ADAMTS14: variants seen among roughly 807,000 people sequenced by gnomAD.
ADAMTS14 encodes ADAM metallopeptidase with thrombospondin type 1 motif 14.
Under a neutral mutation model 128.6 loss-of-function variants are expected in ADAMTS14, and 100 were observed. That is an observed-to-expected ratio of 0.78 (90% CI 0.66 to 0.92). ADAMTS14 has a LOEUF of 0.92. Among genes scored for constraint, ADAMTS14 ranks in the 40% least tolerant of loss-of-function variants. The pLI is 0.00. For missense variants in ADAMTS14, 1,562 were observed against 1,658.6 expected (o/e 0.94, Z 1.01); for synonymous variants, 665 against 653.8 (o/e 1.02, Z -0.26).
intron 19 of ADAMTS14, among the ~76,000 whole-genome samples, chr10:70,755,876 G>A (rs1842469595): frequency 6.6e-6 from 1 of 152,062 alleles, no homozygotes; most frequent in Non-Finnish European, 1.5e-5. Context: ...AGTTAAGATG[G>A]CAAACTTTAT....
intron 4 of ADAMTS14, among the ~76,000 whole-genome samples, chr10:70,709,760 A>G (rs1276552925): frequency 5.9e-5 from 9 of 152,160 alleles, no homozygotes; most frequent in Admixed American, 5.9e-4. Context: ...TCAGCCTCCC[A>G]AAGTGCTGGG....
rs764478735 is a variant in ADAMTS14 at position 70,729,314 on chromosome 10, T to A, written c.891T>A (p.Asp297Glu). ...TGCAGGTAGATGAGATTTACCACGATGAGTCCCTGGGGGTTCATATAAATA... is the reference window on the plus strand; with the variant it reads ...TGCAGGTAGATGAGATTTACCACGAAGAGTCCCTGGGGGTTCATATAAATA... ...LMNIVDEIYH[D>E]ESLGVHINIA... The change falls in exon 5 of 22, where the codon GAT becomes GAA. Residue 297 changes from aspartate (D) to glutamate (E), a missense_variant. Coordinates refer to ENST00000373207, the MANE Select transcript of ADAMTS14 (RefSeq NM_080722.4). 3.2e-5 allele frequency: 51 copies of A among 1,613,958 alleles called. 1 individual carries two copies. Among genetic ancestry groups the A allele is most frequent in the Non-Finnish European group, 4.2e-5 (49 of 1,179,912 alleles).
At chr10:70,754,672 C>T (rs558975122) in intron 19 of ADAMTS14, among the ~76,000 whole-genome samples, 27 of 152,088 alleles carry the variant, frequency 1.8e-4, no homozygotes, top group Admixed American at 8.5e-4. Flanking sequence ...GGGAGGCAGG[C>T]GGGGGTCCAT....
intron 4 of ADAMTS14, among the ~76,000 whole-genome samples, chr10:70,719,805 C>T (rs1841195513): frequency 6.6e-6 from 1 of 152,238 alleles, no homozygotes; most frequent in African/African-American, 2.4e-5. Context: ...CCTCCACTCT[C>T]CTGCCTCTGC....
chr10:70,673,955 C>A (rs1009468807), intron 1 of ADAMTS14, among the ~76,000 whole-genome samples: 58 of 152,202 alleles, frequency 3.8e-4, no homozygotes, highest in Non-Finnish European at 2.9e-5. Flanking sequence ...TGGGGCTCGG[C>A]CATACAGAGA....
At chr10:70,700,960 T>C (rs901635886) in intron 2 of ADAMTS14, among the ~76,000 whole-genome samples, 1 of 152,140 alleles carries the variant, frequency 6.6e-6, no homozygotes, top group African/African-American at 2.4e-5. Flanking sequence ...CCTGACAAAA[T>C]GGTGACAGGG....
chr10:70,749,741 A>G lies in ADAMTS14; in HGVS notation c.2264-81A>G, dbSNP rs759351644. 42 of 1,500,842 alleles carry G rather than the reference A, an allele frequency of 2.8e-5. 1 individual carries two copies. The highest frequency in any genetic ancestry group is 3.5e-5 in the Non-Finnish European group (39 of 1,108,722). 93.0% of individuals were successfully genotyped at this position (1,500,842 alleles called of 1,614,324 possible). On this transcript the variant is annotated intron_variant, in intron 15 of 21. Transcript: ENST00000373207. ...CAGGAGCCCAGAAGGCTCACTGGGAAGGCCTTGAATTTCATATTCATGGCC... is the reference window on the plus strand; with the variant it reads ...CAGGAGCCCAGAAGGCTCACTGGGAGGGCCTTGAATTTCATATTCATGGCC...
Position 70,751,768 on chromosome 10 carries a change from TGAA to T in ADAMTS14, c.2596+125_2596+127del, listed in dbSNP as rs1197307485. 3.7e-6 allele frequency: 5 copies of T among 1,339,774 alleles called. No individual in the cohort carries two copies. In the African/African-American group the frequency reaches 7.3e-5, roughly 19 times the overall value. The allele number at this position is 1,339,774 out of a possible 1,614,324, so 83.0% of individuals were successfully genotyped here. On this transcript the variant is annotated intron_variant, in intron 17 of 21. Coordinates refer to ENST00000373207, the MANE Select transcript of ADAMTS14 (RefSeq NM_080722.4). ...CCTTGCTTATGACTCAGTTTCTCCT[TGAA>T]GATCTCCAGTGTGTGGAAGCCCGTT... is the stretch of plus-strand genomic sequence containing the variant.
intron 15 of ADAMTS14, among the ~76,000 whole-genome samples, chr10:70,749,572 G>T (rs1158051408): frequency 6.6e-6 from 1 of 151,916 alleles, no homozygotes; most frequent in Non-Finnish European, 1.5e-5. Context: ...GTAAAGGTGG[G>T]AGGAATGGTG....
chr10:70,722,965 A>C (rs1276990476), intron 4 of ADAMTS14, among the ~76,000 whole-genome samples: 3 of 152,246 alleles, frequency 2.0e-5, no homozygotes, highest in Non-Finnish European at 2.9e-5. Context: ...TCAAGAATTC[A>C]GTATGGAAAT....
In ADAMTS14 at chr10:70,758,281, A is replaced by G. The variant is rs1196339619; in HGVS notation, c.3174A>G (p.Ser1058=). The stretch of plus-strand genomic sequence containing the variant: ...CCCTACATCCCATTAACAAGATATC[A>G]TCAAGTAAGTACAGTCTATGGACCC... ...SEPLHPINKI[S]STEPCTGDRS... Residue 1058 remains serine (S), a synonymous_variant, in exon 21 of 22, where the codon TCA becomes TCG. Coordinates refer to ENST00000373207, the MANE Select transcript of ADAMTS14 (RefSeq NM_080722.4). The G allele has an allele frequency of 6.2e-7, 1 of 1,613,354 alleles. No homozygotes were observed. The highest frequency in any genetic ancestry group is 1.7e-5 in the Admixed American group (1 of 59,986).
At chr10:70,734,214 T>A (rs532187503) in intron 8 of ADAMTS14, among the ~76,000 whole-genome samples, 186 bp downstream of exon 8, 2 of 152,340 alleles carry the variant, frequency 1.3e-5, no homozygotes, top group African/African-American at 4.8e-5. Context: ...GTTAGTCTAG[T>A]GTTTCAGAAC....
At position 70,733,941 on chromosome 10, in the gene ADAMTS14, G is replaced by T. The variant is rs760544573; in HGVS notation, c.1265G>T (p.Gly422Val). 3.3e-5 allele frequency: 54 copies of T among 1,613,798 alleles called. No homozygotes were observed. Among genetic ancestry groups the T allele is most frequent in the Non-Finnish European group, 4.3e-5 (51 of 1,180,006 alleles). ...GNGCADETSL[G>V]SVMAPLVQAA... ...GGCTGTGCAGATGAGACCAGCCTGG[G>T]CAGCGTCATGGCGCCCCTGGTGCAG... The change falls in exon 8 of 22, where the codon GGC becomes GTC. Residue 422 changes from glycine (G) to valine (V), a missense_variant. Coordinates refer to ENST00000373207, the MANE Select transcript of ADAMTS14 (RefSeq NM_080722.4).
rs1288816246 is a variant in ADAMTS14 at position 70,672,699 on chromosome 10, G to T, written c.-104G>T. On this transcript the variant is annotated 5_prime_UTR_variant, in exon 1 of 22. Coordinates refer to ENST00000373207, the MANE Select transcript of ADAMTS14 (RefSeq NM_080722.4). ...GGCGGCTGAGGCGGCAGCGGCGGCAGCCAGCCGGTGCTCCGACAGCCCGGG... is the reference window on the plus strand; with the variant it reads ...GGCGGCTGAGGCGGCAGCGGCGGCATCCAGCCGGTGCTCCGACAGCCCGGG... 1.5e-6 allele frequency: 2 copies of T among 1,308,368 alleles called. No homozygotes were observed. The highest frequency in any genetic ancestry group is 3.1e-5 in the African/African-American group (2 of 64,570). The allele number at this position is 1,308,368 out of a possible 1,614,324, so 81.0% of individuals were successfully genotyped here. A position where few individuals can be genotyped will look rare whatever the true frequency, so the allele number is the denominator to read the frequency against.
At chr10:70,743,892 C>T (rs571746862) in intron 13 of ADAMTS14, among the ~76,000 whole-genome samples, 174 bp from the exon 14 acceptor site, 4 of 152,288 alleles carry the variant, frequency 2.6e-5, no homozygotes, top group East Asian at 3.9e-4. Flanking sequence ...CTCATCACGC[C>T]GGGTGTAAGA....
chr10:70,708,285 G>A (rs1402287670), intron 3 of ADAMTS14, among the ~76,000 whole-genome samples: 4 of 152,178 alleles, frequency 2.6e-5, no homozygotes, highest in African/African-American at 9.7e-5. Context: ...AGAGAAGCGA[G>A]GGATTGGGCC....
At chr10:70,745,874 G>A (rs1842163808) in intron 15 of ADAMTS14, among the ~76,000 whole-genome samples, 1 of 152,138 alleles carries the variant, frequency 6.6e-6, no homozygotes, top group African/African-American at 2.4e-5. Flanking sequence ...GGTACTGGCT[G>A]TCAGCTGGGG....
At chr10:70,745,144 C>A (rs1842136496) in intron 14 of ADAMTS14, 82 bp from the exon 15 acceptor site, 1 of 1,300,356 alleles carries the variant, frequency 7.7e-7, no homozygotes, top group Non-Finnish European at 1.1e-6. Context: ...TTCCTGGGTG[C>A]CCAGTGAGGG....
chr10:70,727,344 A>G (rs1242829976), intron 4 of ADAMTS14, among the ~76,000 whole-genome samples: 1 of 152,182 alleles, frequency 6.6e-6, no homozygotes, highest in African/African-American at 2.4e-5. Context: ...GTGGTGGACA[A>G]TGGTTGCTTT....
Sources: gnomAD v4.1 joint callset for allele counts (sites outside exome capture counted in the v4.1 genomes callset) on GRCh38, gnomAD v4.1.1 for gene constraint, MANE v1.5 for transcripts, NCBI Gene and HGNC (gene_info 2026-07-23, HGNC 2026-07-21) for gene names.